CDH18: variants seen among roughly 807,000 people sequenced by gnomAD.
The protein encoded by CDH18 is cadherin 18, also known as cadherin-18.
Under a neutral mutation model 67.9 loss-of-function variants are expected in CDH18, and 31 were observed. That is an observed-to-expected ratio of 0.46 (90% CI 0.34 to 0.62). The LOEUF (loss-of-function observed/expected upper bound fraction) is 0.62, where lower values mean the gene tolerates loss of function less well. Ranked by LOEUF, CDH18 falls within the 20% of genes least tolerant of loss-of-function variation. The pLI, the probability that CDH18 is intolerant of heterozygous loss-of-function variation, is 0.01. For missense variants in CDH18, 890 were observed against 975.5 expected, an observed-to-expected ratio of 0.91 and a Z score of 1.17; for synonymous variants, 362 against 347.2, an observed-to-expected ratio of 1.04 and a Z score of -0.48.
At chr5:19,789,841 G>C (rs1776177337) in intron 3 of CDH18, among the ~76,000 whole-genome samples, 1 of 151,660 alleles carries the variant, frequency 6.6e-6, no homozygotes, top group African/African-American at 2.4e-5. Flanking sequence ...AGCAATAGTA[G>C]TAATTACATA....
chr5:20,294,481 T>C (rs1304633303), intron 1 of CDH18, among the ~76,000 whole-genome samples: 1 of 152,206 alleles, frequency 6.6e-6, no homozygotes, highest in Non-Finnish European at 1.5e-5. Context: ...TAAGGGAATG[T>C]TTCCTCATCT....
At chr5:19,700,866 T>G (rs932845771) in intron 5 of CDH18, among the ~76,000 whole-genome samples, 3 of 151,700 alleles carry the variant, frequency 2.0e-5, no homozygotes, top group Non-Finnish European at 4.4e-5. Context: ...ACTATCTGAT[T>G]CAGAGAAAAA....
chr5:20,457,702 T>C (rs975310853), intron 1 of CDH18, among the ~76,000 whole-genome samples: 5 of 152,132 alleles, frequency 3.3e-5, no homozygotes, highest in Non-Finnish European at 5.9e-5. Flanking sequence ...AAAAGTATGA[T>C]AGCAAGCCAG....
intron 1 of CDH18, among the ~76,000 whole-genome samples, chr5:19,984,402 T>C (rs558127898): frequency 5.9e-5 from 9 of 152,096 alleles, no homozygotes; most frequent in African/African-American, 1.9e-4. Context: ...AGGATGGAAA[T>C]AAGAAAAAAA....
At chr5:19,622,447 C>T (rs928356388) in intron 5 of CDH18, among the ~76,000 whole-genome samples, 2 of 152,152 alleles carry the variant, frequency 1.3e-5, no homozygotes, top group African/African-American at 2.4e-5. Context: ...GAGGGATTAA[C>T]GAAGCCTCCT....
rs1395937370 is a variant in CDH18, at chr5:19,535,815, T to C, written c.1390+8054A>G. On this transcript the variant is annotated intron_variant, in intron 9 of 12. Coordinates refer to ENST00000382275, the MANE Select transcript of CDH18 (RefSeq NM_004934.5). The stretch of plus-strand genomic sequence containing the variant: ...GAAATAGCAGAAGCTTTCAGACACA[T>C]TGAAAGTTTCAATAAAGTATCATCT... 2.6e-5 allele frequency among the ~76,000 whole-genome samples: 4 copies of C among 152,196 alleles called. 1 individual carries two copies. The highest frequency in any genetic ancestry group is 4.1e-4 in the South Asian group (2 of 4,834).
intron 2 of CDH18, among the ~76,000 whole-genome samples, chr5:20,186,493 C>A (rs1371256905): frequency 6.6e-6 from 1 of 151,712 alleles, no homozygotes; most frequent in Non-Finnish European, 1.5e-5. Context: ...AGAAATAAAT[C>A]AAGGACGTGA....
chr5:20,457,314 C>CT (rs1750902883), intron 1 of CDH18, among the ~76,000 whole-genome samples: 1 of 152,102 alleles, frequency 6.6e-6, no homozygotes, highest in African/African-American at 2.4e-5. Flanking sequence ...GATGTTCAAC[C>CT]TCTGACTTAT....
intron 1 of CDH18, among the ~76,000 whole-genome samples, chr5:19,986,351 T>G (rs1389527107): frequency 1.3e-5 from 2 of 148,640 alleles, no homozygotes; most frequent in Non-Finnish European, 2.9e-5. Flanking sequence ...CTCACTGTCC[T>G]TCTACTATTA....
chr5:19,726,061 A>G (rs142861552), intron 4 of CDH18, among the ~76,000 whole-genome samples: 121 of 152,332 alleles, frequency 7.9e-4, no homozygotes, highest in Non-Finnish European at 1.6e-3. Context: ...TTTTGCTGTA[A>G]TAGGCTAAAT....
chr5:19,707,103 CCAT>C (rs1764065731), intron 5 of CDH18, among the ~76,000 whole-genome samples: 1 of 152,100 alleles, frequency 6.6e-6, no homozygotes, highest in African/African-American at 2.4e-5. Flanking sequence ...AATTTGGGCA[CCAT>C]CGAGACATCT....
chr5:20,265,571 A>G (rs2126646132), intron 1 of CDH18, among the ~76,000 whole-genome samples: 1 of 152,240 alleles, frequency 6.6e-6, no homozygotes, highest in Admixed American at 6.5e-5. Context: ...CCAAGACTGA[A>G]GGAGTATCAA....
intron 2 of CDH18, among the ~76,000 whole-genome samples, chr5:19,873,251 A>C (rs1214197630): frequency 6.6e-6 from 1 of 151,930 alleles, no homozygotes; most frequent in East Asian, 1.9e-4. Context: ...AACAAGAGAA[A>C]GCATGGTTCA....
intron 1 of CDH18, among the ~76,000 whole-genome samples, chr5:20,396,809 TA>T (rs941032895): frequency 5.9e-5 from 9 of 152,194 alleles, no homozygotes; most frequent in Non-Finnish European, 1.2e-4. Context: ...GATTTATGAT[TA>T]ATTTGAATTA....
chr5:19,897,100 T>C (rs1789428348), intron 2 of CDH18, among the ~76,000 whole-genome samples: 1 of 152,060 alleles, frequency 6.6e-6, no homozygotes, highest in South Asian at 2.1e-4. Context: ...TATATTAAAC[T>C]AAGAAATATA....
At chr5:19,864,337 A>T (rs1157555166) in intron 2 of CDH18, among the ~76,000 whole-genome samples, 1 of 135,662 alleles carries the variant, frequency 7.4e-6, no homozygotes, top group African/African-American at 2.7e-5. Flanking sequence ...ATGAGAACAC[A>T]TGGACACAGG....
intron 1 of CDH18, among the ~76,000 whole-genome samples, chr5:20,490,937 G>A (rs1753548766): frequency 6.6e-6 from 1 of 151,870 alleles, no homozygotes; most frequent in South Asian, 2.1e-4. Context: ...TTAAATGATG[G>A]GGGTATCCTT....
intron 1 of CDH18, among the ~76,000 whole-genome samples, chr5:20,440,658 C>G (rs149721553): frequency 7.9e-5 from 12 of 151,944 alleles, no homozygotes; most frequent in Non-Finnish European, 1.3e-4. Flanking sequence ...CTATTTATCT[C>G]CAATAATACT....
chr5:19,745,085 C>T (rs1769804440), intron 4 of CDH18, among the ~76,000 whole-genome samples: 1 of 152,116 alleles, frequency 6.6e-6, no homozygotes, highest in Non-Finnish European at 1.5e-5. Flanking sequence ...CTCTAAATCT[C>T]CTTTCTTTTT....
Sources: gnomAD v4.1 joint callset for allele counts (sites outside exome capture counted in the v4.1 genomes callset) on GRCh38, gnomAD v4.1.1 for gene constraint, MANE v1.5 for transcripts, NCBI Gene and HGNC (gene_info 2026-07-23, HGNC 2026-07-21) for gene names.